The following PSD3 variants were observed in gnomAD, a reference collection of about 807,000 sequenced individuals.
PSD3 encodes the protein PH and SEC7 domain-containing protein 3.
In PSD3, 49 loss-of-function variants were observed where a neutral mutation model predicts 105.5. The ratio of observed to expected loss-of-function variants is 0.46; its 90% confidence interval spans 0.37 to 0.59. The LOEUF (loss-of-function observed/expected upper bound fraction) is 0.59, where lower values mean the gene tolerates loss of function less well. Among genes scored for constraint, PSD3 ranks in the 20% least tolerant of loss-of-function variants. PSD3 has a pLI of 0.00. For missense variants in PSD3, 1,561 were observed against 1,263.8 expected (o/e 1.24, Z -3.57); for synonymous variants, 557 against 457.8 (o/e 1.22, Z -2.77).
chr8:18,617,936 G>A (rs542063381), intron 11 of PSD3, among the ~76,000 whole-genome samples: 1 of 152,240 alleles, frequency 6.6e-6, no homozygotes, highest in Non-Finnish European at 1.5e-5. Flanking sequence ...TCTCTAGTGG[G>A]GGAAATCTGC....
intron 1 of PSD3, among the ~76,000 whole-genome samples, chr8:18,968,656 C>T (rs1052317434): frequency 6.6e-6 from 1 of 152,120 alleles, no homozygotes; most frequent in African/African-American, 2.4e-5. Context: ...GCAGGCAGAT[C>T]ACGAGGTCAG....
At chr8:18,984,125 G>A (rs569579577) in intron 1 of PSD3, among the ~76,000 whole-genome samples, 174 of 150,994 alleles carry the variant, frequency 1.2e-3, no homozygotes, top group African/African-American at 4.1e-3. Flanking sequence ...GAGACACAAA[G>A]TGAGCACAGT....
At chr8:18,812,317 A>G (rs2129448452) in intron 4 of PSD3, among the ~76,000 whole-genome samples, 1 of 152,306 alleles carries the variant, frequency 6.6e-6, no homozygotes, top group Middle Eastern at 3.4e-3. Flanking sequence ...AGAGTTGGGG[A>G]ACGACTTTGT....
At chr8:18,789,745 A>G (rs1809518015) in intron 8 of PSD3, among the ~76,000 whole-genome samples, 1 of 152,250 alleles carries the variant, frequency 6.6e-6, no homozygotes, top group Non-Finnish European at 1.5e-5. Context: ...CATTAAAGTA[A>G]GCAACAGGAT....
At chr8:19,064,622 A>C (rs962468486) in intron 1 of PSD3, among the ~76,000 whole-genome samples, 1 of 152,188 alleles carries the variant, frequency 6.6e-6, no homozygotes, top group Non-Finnish European at 1.5e-5. Context: ...GAATGTGATG[A>C]GGTCCCCCCT....
At chr8:18,906,091 T>C (rs1202701804) in intron 2 of PSD3, among the ~76,000 whole-genome samples, 2 of 152,188 alleles carry the variant, frequency 1.3e-5, no homozygotes, top group East Asian at 3.8e-4. Context: ...GGCAAAAATA[T>C]AATACACTGA....
rs1004412627 is a variant in PSD3 at position 18,572,731 on chromosome 8, T to C, written c.2640-59A>G. 30 of 1,566,362 alleles carry C rather than the reference T, an allele frequency of 1.9e-5. No individual in the cohort carries two copies. The African/African-American group carries it at 3.8e-4, about 20-fold the overall frequency. On this transcript the variant is annotated intron_variant, in intron 13 of 15. Transcript: ENST00000327040. The stretch of plus-strand genomic sequence containing the variant: ...TGCCATGTCTAAGTAGCATCACACT[T>C]TGCCTATTTCACGTTACTGATTTGC...
intron 9 of PSD3, among the ~76,000 whole-genome samples, chr8:18,703,168 C>G (rs1040666668): frequency 6.6e-6 from 1 of 152,150 alleles, no homozygotes; most frequent in Non-Finnish European, 1.5e-5. Flanking sequence ...ACACCACCAG[C>G]AGATGCCACT....
At chr8:19,064,239 T>A (rs1461176947) in intron 1 of PSD3, among the ~76,000 whole-genome samples, 2 of 152,174 alleles carry the variant, frequency 1.3e-5, no homozygotes, top group African/African-American at 4.8e-5. Flanking sequence ...AGCATGTAAT[T>A]CCTAATAATT....
chr8:18,965,711 G>T (rs912865361), intron 1 of PSD3, among the ~76,000 whole-genome samples: 1 of 152,210 alleles, frequency 6.6e-6, no homozygotes, highest in African/African-American at 2.4e-5. Context: ...TTCTGGAGAT[G>T]GATGGCAAGT....
At chr8:18,744,909 C>T (rs571374808) in intron 9 of PSD3, among the ~76,000 whole-genome samples, 41 of 152,160 alleles carry the variant, frequency 2.7e-4, no homozygotes, top group African/African-American at 9.2e-4. Context: ...TTTATGACCT[C>T]GACACTTCAA....
chr8:18,632,819 A>G lies in PSD3; in HGVS notation c.2217-13T>C. 6.5e-7 allele frequency: 1 copy of G among 1,528,928 alleles called. No individual in the cohort carries two copies. Among genetic ancestry groups the G allele is most frequent in the Non-Finnish European group, 9.0e-7 (1 of 1,113,538 alleles). 94.7% of individuals were successfully genotyped at this position (1,528,928 alleles called of 1,614,324 possible). A position where few individuals can be genotyped will look rare whatever the true frequency, so the allele number is the denominator to read the frequency against. ...CTCTTCATCATCTCTAAAAGGGAGA[A>G]AGCACAAAGACTGAGTCAAGCACCT... is the stretch of plus-strand genomic sequence containing the variant. On this transcript the variant is annotated splice_polypyrimidine_tract_variant and intron_variant, in intron 10 of 15. Coordinates refer to ENST00000327040, the MANE Select transcript of PSD3 (RefSeq NM_015310.4).
At chr8:18,777,889 G>C (rs1231924976) in intron 8 of PSD3, among the ~76,000 whole-genome samples, 1 of 152,068 alleles carries the variant, frequency 6.6e-6, no homozygotes, top group African/African-American at 2.4e-5. Flanking sequence ...ATGAGGGAGA[G>C]CATACAATAT....
At chr8:18,941,577 G>T (rs1475300182) in intron 1 of PSD3, among the ~76,000 whole-genome samples, 1 of 150,608 alleles carries the variant, frequency 6.6e-6, no homozygotes, top group Non-Finnish European at 1.5e-5. Context: ...CATTTACAAA[G>T]AATTACATTC....
chr8:18,767,573 C>T (rs531397023), intron 8 of PSD3, among the ~76,000 whole-genome samples: 1 of 152,108 alleles, frequency 6.6e-6, no homozygotes, highest in South Asian at 2.1e-4. Flanking sequence ...TGGTGAAACC[C>T]CGTCTCTACT....
intron 10 of PSD3, among the ~76,000 whole-genome samples, chr8:18,634,345 C>G (rs1467445576): frequency 6.6e-6 from 1 of 152,108 alleles, no homozygotes; most frequent in African/African-American, 2.4e-5. Context: ...GGATATTTTA[C>G]TTTTATTTTG....
intron 1 of PSD3, among the ~76,000 whole-genome samples, chr8:19,027,244 A>G (rs1827590003): frequency 6.6e-6 from 1 of 152,058 alleles, no homozygotes; most frequent in Non-Finnish European, 1.5e-5. Context: ...AGAAAAAGAA[A>G]AAGACTCTCA....
At chr8:19,012,879 G>A (rs1827019217) in intron 1 of PSD3, among the ~76,000 whole-genome samples, 1 of 152,130 alleles carries the variant, frequency 6.6e-6, no homozygotes, top group African/African-American at 2.4e-5. Context: ...AAATCGTGGT[G>A]CCCATTCCAT....
intron 1 of PSD3, among the ~76,000 whole-genome samples, chr8:18,958,350 T>A (rs17468996): frequency 0.19 from 28,899 of 152,186 alleles, 3,039 homozygotes; most frequent in Non-Finnish European, 0.24. Flanking sequence ...AAGGCCTTTG[T>A]TTTATAGCTC....
Sources: allele counts gnomAD v4.1 joint callset (sites outside exome capture counted in the v4.1 genomes callset), GRCh38; gene constraint gnomAD v4.1.1; transcripts MANE v1.5; gene names NCBI Gene and HGNC (gene_info 2026-07-23, HGNC 2026-07-21).